The following RALYL variants were observed in gnomAD, a reference collection of about 807,000 sequenced individuals.
RALYL encodes the protein RALY RNA binding protein like.
In RALYL, 29 loss-of-function variants were observed where a neutral mutation model predicts 35.1. The observed-to-expected ratio is 0.83, with a 90% CI of 0.61 to 1.13. The LOEUF is 1.13. Among genes scored for constraint, RALYL ranks in the 50% most tolerant of loss-of-function variants. RALYL has a pLI of 0.00. For synonymous variants in RALYL, 120 were observed against 127.6 expected (o/e 0.94, Z 0.40); for missense variants, 359 against 360.4 (o/e 1.00, Z 0.03).
chr8:84,190,238 T>A (rs1327554211), intron 1 of RALYL, among the ~76,000 whole-genome samples: 1 of 152,202 alleles, frequency 6.6e-6, no homozygotes, highest in African/African-American at 2.4e-5. Context: ...ACCATCAACA[T>A]CATAACACCT....
chr8:84,195,283 T>C (rs894502771), intron 1 of RALYL, among the ~76,000 whole-genome samples: 3 of 152,028 alleles, frequency 2.0e-5, no homozygotes, highest in African/African-American at 7.2e-5. Flanking sequence ...CTACTAAAAA[T>C]ACAAAAATTA....
intron 8 of RALYL, among the ~76,000 whole-genome samples, chr8:84,892,532 C>T (rs66688879): frequency 0.42 from 62,868 of 151,208 alleles, 14,584 homozygotes; most frequent in East Asian, 0.72. Context: ...ATCGCTTGAA[C>T]CCAAGAGACG....
At chr8:84,200,575 G>T (rs558832894) in intron 1 of RALYL, among the ~76,000 whole-genome samples, 17 of 152,090 alleles carry the variant, frequency 1.1e-4, no homozygotes, top group Middle Eastern at 6.8e-3. Flanking sequence ...AATTTTAACT[G>T]TTAACTAAAC....
At chr8:84,297,710 C>T (rs1179797168) in intron 1 of RALYL, among the ~76,000 whole-genome samples, 1 of 152,082 alleles carries the variant, frequency 6.6e-6, no homozygotes, top group Non-Finnish European at 1.5e-5. Context: ...TTGCCAGCAT[C>T]TTTTGTCCCC....
At chr8:84,551,209 C>G (rs1236370079) in intron 2 of RALYL, among the ~76,000 whole-genome samples, 1 of 151,740 alleles carries the variant, frequency 6.6e-6, no homozygotes, top group Admixed American at 6.6e-5. Context: ...ATAAACGGTA[C>G]CTGGAATCAG....
chr8:84,713,596 G>C (rs1842521974), intron 2 of RALYL, among the ~76,000 whole-genome samples: 1 of 151,890 alleles, frequency 6.6e-6, no homozygotes, highest in Admixed American at 6.6e-5. Flanking sequence ...GTGTCAGTGA[G>C]TACATAAAGT....
intron 1 of RALYL, among the ~76,000 whole-genome samples, chr8:84,510,127 A>G (rs938602816): frequency 2.6e-5 from 4 of 152,198 alleles, no homozygotes; most frequent in African/African-American, 9.6e-5. Context: ...ATCTATGAAC[A>G]TGGAATATTT....
At chr8:84,223,513 T>C (rs1324751610) in intron 1 of RALYL, among the ~76,000 whole-genome samples, 1 of 152,100 alleles carries the variant, frequency 6.6e-6, no homozygotes, top group African/African-American at 2.4e-5. Flanking sequence ...AGGTGAGCAA[T>C]GATATGCAGA....
chr8:84,287,703 A>G (rs1174016412), intron 1 of RALYL, among the ~76,000 whole-genome samples: 1 of 152,202 alleles, frequency 6.6e-6, no homozygotes, highest in East Asian at 1.9e-4. Context: ...TAAGATGATG[A>G]TAGAAATATT....
intron 1 of RALYL, among the ~76,000 whole-genome samples, chr8:84,268,831 C>T (rs1207957439): frequency 6.6e-6 from 1 of 152,094 alleles, no homozygotes; most frequent in African/African-American, 2.4e-5. Context: ...AATAAATGTT[C>T]ATTCTTTGGA....
intron 1 of RALYL, among the ~76,000 whole-genome samples, chr8:84,311,090 A>AAAAAATATAT (rs1554614840): frequency 7.0e-5 from 7 of 99,768 alleles, no homozygotes; most frequent in East Asian, 3.5e-4. Context: ...AAAAAAAAAA[A>AAAAAATATAT]ATGTATATTA....
intron 1 of RALYL, among the ~76,000 whole-genome samples, chr8:84,266,468 A>G (rs1314573006): frequency 6.6e-6 from 1 of 152,144 alleles, no homozygotes; most frequent in Non-Finnish European, 1.5e-5. Context: ...TAGTATTTCG[A>G]TTTTTCCAAA....
intron 1 of RALYL, among the ~76,000 whole-genome samples, chr8:84,487,430 C>T (rs1348446753): frequency 1.3e-5 from 2 of 152,030 alleles, no homozygotes; most frequent in African/African-American, 4.8e-5. Context: ...CTTCACTGCA[C>T]TTCTACTTTA....
intron 2 of RALYL, among the ~76,000 whole-genome samples, chr8:84,699,282 G>T (rs1276689708): frequency 6.6e-6 from 1 of 152,092 alleles, no homozygotes; most frequent in African/African-American, 2.4e-5. Context: ...GTTGTGAGCT[G>T]CTGAGGAAGT....
chr8:84,572,856 G>C (rs1165810668), intron 2 of RALYL, among the ~76,000 whole-genome samples: 2 of 151,262 alleles, frequency 1.3e-5, no homozygotes, highest in East Asian at 3.9e-4. Context: ...TCCACTCACT[G>C]TTCTATTTCC....
intron 1 of RALYL, among the ~76,000 whole-genome samples, chr8:84,261,503 CA>C (rs1832301243): frequency 6.6e-6 from 1 of 152,102 alleles, no homozygotes; most frequent in African/African-American, 2.4e-5. Flanking sequence ...CCCCTTCTGC[CA>C]TGATTATATG....
chr8:84,675,585 T>G (rs1834034335), intron 2 of RALYL, among the ~76,000 whole-genome samples: 1 of 152,180 alleles, frequency 6.6e-6, no homozygotes, highest in South Asian at 2.1e-4. Context: ...TATTTGATGA[T>G]TTTCATGCTC....
At chr8:84,468,798 G>C (rs941496997) in intron 1 of RALYL, among the ~76,000 whole-genome samples, 120 of 152,002 alleles carry the variant, frequency 7.9e-4, no homozygotes, top group African/African-American at 2.8e-3. Flanking sequence ...ACGTAGATTT[G>C]GTCTTTTCAC....
chr8:84,449,175 A>T (rs1404787429), intron 1 of RALYL, among the ~76,000 whole-genome samples: 1 of 151,366 alleles, frequency 6.6e-6, no homozygotes, highest in East Asian at 1.9e-4. Flanking sequence ...TGGGTCACCT[A>T]AAATCTGTGT....
Sources: allele counts gnomAD v4.1 joint callset (sites outside exome capture counted in the v4.1 genomes callset), GRCh38; gene constraint gnomAD v4.1.1; transcripts MANE v1.5; gene names NCBI Gene and HGNC (gene_info 2026-07-23, HGNC 2026-07-21).